COL28A1: variants seen among roughly 807,000 people sequenced by gnomAD.
COL28A1 encodes the protein collagen type XXVIII alpha 1 chain, also known as collagen alpha-1(XXVIII) chain.
A neutral mutation model predicts 150.2 loss-of-function variants in COL28A1; 161 were observed. The observed-to-expected ratio is 1.07, with a 90% confidence interval of 0.94 to 1.22. The LOEUF is 1.22. COL28A1 is among the 50% of genes most tolerant of loss of function. The pLI, the probability that COL28A1 is intolerant of heterozygous loss-of-function variation, is 0.00. For missense variants in COL28A1, 1,617 were observed against 1,388.3 expected (o/e 1.16, Z -2.62); for synonymous variants, 552 against 469.7 (o/e 1.18, Z -2.26).
At chr7:7,450,680 A>G (rs917576534) in intron 18 of COL28A1, among the ~76,000 whole-genome samples, 1 of 152,238 alleles carries the variant, frequency 6.6e-6, no homozygotes, top group African/African-American at 2.4e-5. Context: ...TCTATCTTCT[A>G]CAAGTCAAGA....
rs751573664 is a variant in COL28A1 at position 7,417,890 on chromosome 7, C to G, written c.2105G>C (p.Gly702Ala). The change falls in exon 27 of 35, where the codon GGC (glycine) becomes GCC (alanine). Residue 702 changes from glycine (G) to alanine (A), a missense_variant. Coordinates refer to ENST00000399429, the MANE Select transcript of COL28A1 (RefSeq NM_001037763.3). The stretch of plus-strand genomic sequence containing the variant: ...TCCCTGTGATCCATAGCCAGGGGGG[C>G]CAGGAGGGCCAGGCAAGCCTTTCTG... ...TGQKGLPGPP[G>A]PPGYGSQGIK... The G allele has an allele frequency of 6.2e-7, 1 of 1,613,222 alleles. No individual in the cohort carries two copies. Among genetic ancestry groups the G allele is most frequent in the South Asian group, 1.1e-5 (1 of 90,914 alleles).
intron 27 of COL28A1, among the ~76,000 whole-genome samples, chr7:7,412,030 G>T (rs536055735): frequency 3.1e-4 from 47 of 152,106 alleles, no homozygotes; most frequent in Non-Finnish European, 6.0e-4. Flanking sequence ...GGCAATGATT[G>T]TTGACTCTTC....
chr7:7,440,296 T>G (rs1330564803), intron 21 of COL28A1, among the ~76,000 whole-genome samples: 1 of 152,240 alleles, frequency 6.6e-6, no homozygotes, highest in Non-Finnish European at 1.5e-5. Context: ...TTAACTCTTT[T>G]AGTCTTCACA....
chr7:7,370,146 A>G (rs75250573), intron 33 of COL28A1, among the ~76,000 whole-genome samples: 1 of 152,316 alleles, frequency 6.6e-6, no homozygotes, highest in Non-Finnish European at 1.5e-5. Context: ...GGTTCTTCAC[A>G]TACTATGTGA....
chr7:7,511,546 C>T, intron 8 of COL28A1: 1 of 297,238 alleles, frequency 3.4e-6, no homozygotes, highest in Non-Finnish European at 6.7e-6. Flanking sequence ...GATAATTTCC[C>T]TCTATCAAAT....
At chr7:7,500,887 A>C (rs1780485091) in intron 11 of COL28A1, among the ~76,000 whole-genome samples, 1 of 152,188 alleles carries the variant, frequency 6.6e-6, no homozygotes, top group African/African-American at 2.4e-5. Flanking sequence ...GGTGTGGTGC[A>C]AGCTTCAGGG....
the COL28A1 span, among the ~76,000 whole-genome samples, chr7:7,541,658 A>C: frequency 1.1e-4 from 16 of 152,238 alleles, no homozygotes; most frequent in Non-Finnish European, 2.2e-4. Context: ...ACAGATGAAA[A>C]ATTTTAATCG....
At chr7:7,502,987 C>T (rs927645561) in intron 11 of COL28A1, among the ~76,000 whole-genome samples, 1 of 152,036 alleles carries the variant, frequency 6.6e-6, no homozygotes, top group South Asian at 2.1e-4. Flanking sequence ...GTGATATTCC[C>T]TTCCTTTTTC....
At position 7,373,320 on chromosome 7, in the gene COL28A1, C is replaced by A. The variant is rs1781336586; in HGVS notation, c.2586G>T (p.Lys862Asn). ...GATACTGCATGTTGTCCACAGCCAA[C>A]TTGAAGTCATCCTTGCTGGAGAACT... Reference protein sequence around the residue: ...LKQFSSKDDFKLAVDNMQYLG... With the variant: ...LKQFSSKDDFNLAVDNMQYLG... The change falls in exon 32 of 35, where the codon AAG (lysine) becomes AAT (asparagine). Residue 862 changes from lysine (K) to asparagine (N), a missense_variant. Coordinates refer to ENST00000399429, the MANE Select transcript of COL28A1 (RefSeq NM_001037763.3). This position sits in a 1 kb window ranked among gnomAD's most constrained non-coding sequence, Gnocchi z 4.1. The A allele has an allele frequency of 6.2e-7, 1 of 1,614,082 alleles. No homozygotes were observed. Among genetic ancestry groups the A allele is most frequent in the Non-Finnish European group, 8.5e-7 (1 of 1,180,058 alleles).
chr7:7,410,289 G>A (rs748943609), intron 27 of COL28A1, among the ~76,000 whole-genome samples: 5 of 152,144 alleles, frequency 3.3e-5, no homozygotes, highest in Non-Finnish European at 7.4e-5. Flanking sequence ...CGCTTTCAAT[G>A]TCTATAACCA....
At chr7:7,437,314 T>G in intron 22 of COL28A1, 80 bp downstream of exon 22, 1 of 1,510,926 alleles carries the variant, frequency 6.6e-7, no homozygotes, top group Non-Finnish European at 8.9e-7. Context: ...ACTAAAATTC[T>G]AGTTCACTGG....
chr7:7,428,223 G>A (rs567755865), intron 25 of COL28A1, among the ~76,000 whole-genome samples: 1 of 152,172 alleles, frequency 6.6e-6, no homozygotes, highest in African/African-American at 2.4e-5. Flanking sequence ...TGATGGTTAA[G>A]AGGTCCTAAC....
chr7:7,542,913 C>T, the COL28A1 span, among the ~76,000 whole-genome samples: 5 of 152,014 alleles, frequency 3.3e-5, no homozygotes, highest in Non-Finnish European at 7.4e-5. Context: ...GAGCTTAGTA[C>T]CTAATTGGCC....
intron 27 of COL28A1, among the ~76,000 whole-genome samples, chr7:7,383,582 A>C (rs1159113474): frequency 6.6e-6 from 1 of 151,064 alleles, no homozygotes; most frequent in African/African-American, 2.4e-5. Context: ...CCTGGCTGAT[A>C]TTTTTAATAT....
intron 27 of COL28A1, among the ~76,000 whole-genome samples, chr7:7,387,692 C>T (rs986962270): frequency 2.6e-5 from 4 of 152,026 alleles, no homozygotes; most frequent in Admixed American, 6.6e-5. Flanking sequence ...ATTATCTTTG[C>T]AACTTTTTTT....
intron 13 of COL28A1, among the ~76,000 whole-genome samples, chr7:7,486,912 T>C (rs1346831081): frequency 1.3e-5 from 2 of 152,208 alleles, no homozygotes; most frequent in African/African-American, 2.4e-5. Context: ...TTCTTATGTA[T>C]GTTTAGTATT....
chr7:7,399,604 A>G lies in COL28A1; in HGVS notation c.2137-17992T>C, dbSNP rs1783049617. 2.6e-5 allele frequency among the ~76,000 whole-genome samples: 4 copies of G among 152,068 alleles called. No homozygotes were observed. In the South Asian group the frequency reaches 8.3e-4, roughly 31 times the overall value. Reference sequence around the variant, plus strand: ...GGTTCCTCTCAGGTTGATAGGAAGCAAATTTCATGACAAATTTTTGGAGTT... The same window carrying G: ...GGTTCCTCTCAGGTTGATAGGAAGCGAATTTCATGACAAATTTTTGGAGTT... On this transcript the variant is annotated intron_variant, in intron 27 of 34. Transcript: ENST00000399429.
At chr7:7,510,574 T>A (rs1781076725) in intron 9 of COL28A1, among the ~76,000 whole-genome samples, 1 of 152,222 alleles carries the variant, frequency 6.6e-6, no homozygotes, top group Non-Finnish European at 1.5e-5. Context: ...TGTTAGCCAC[T>A]GCGTTCAGCC....
chr7:7,532,198 G>A (rs1163595284), intron 2 of COL28A1, among the ~76,000 whole-genome samples: 4 of 152,116 alleles, frequency 2.6e-5, no homozygotes, highest in Non-Finnish European at 5.9e-5. Context: ...GGGAAGTCAA[G>A]ATGCATCACA....
Sources: gnomAD v4.1 joint callset for allele counts (sites outside exome capture counted in the v4.1 genomes callset) on GRCh38, gnomAD v4.1.1 for gene constraint, Gnocchi (gnomAD v3.1) non-coding constraint, MANE v1.5 for transcripts, NCBI Gene and HGNC (gene_info 2026-07-23, HGNC 2026-07-21) for gene names.